The following WASHC4 variants were observed in gnomAD, a reference collection of about 807,000 sequenced individuals.
WASHC4 encodes the protein WASH complex subunit 4, also known as WASH complex subunit 7.
WASHC4 carries 86 observed loss-of-function variants against 166.6 expected under a neutral mutation model. The observed-to-expected ratio is 0.52, with a 90% CI of 0.43 to 0.62. The LOEUF is 0.62. Ranked by LOEUF, WASHC4 falls within the 20% of genes least tolerant of loss-of-function variation. WASHC4 has a pLI of 0.00. For synonymous variants in WASHC4, 446 were observed against 451.6 expected, an observed-to-expected ratio of 0.99 and a Z score of 0.16; for missense variants, 1,262 against 1,382.4, an observed-to-expected ratio of 0.91 and a Z score of 1.38.
At chr12:105,118,084 G>A (rs1209024650) in intron 6 of WASHC4, among the ~76,000 whole-genome samples, 1 of 152,178 alleles carries the variant, frequency 6.6e-6, no homozygotes, top group African/African-American at 2.4e-5. Flanking sequence ...TCATGTAATA[G>A]GGTAGAAATT....
chr12:105,162,927 T>G (rs993406779), intron 30 of WASHC4, 82 bp downstream of exon 30: 1 of 701,420 alleles, frequency 1.4e-6, no homozygotes, highest in South Asian at 1.7e-5. Flanking sequence ...TGAGAATAGG[T>G]CTATATGTTC....
intron 14 of WASHC4, 77 bp downstream of exon 14, chr12:105,133,973 A>G: frequency 7.3e-7 from 1 of 1,360,620 alleles, no homozygotes; most frequent in Admixed American, 1.7e-5. Context: ...AAAACTGAAC[A>G]AAGGGTAGAG....
At chr12:105,138,126 A>T in intron 15 of WASHC4, 115 bp downstream of exon 15, 1 of 999,766 alleles carries the variant, frequency 1.0e-6, no homozygotes. Flanking sequence ...AAATTGTGAG[A>T]AAGTACTTCT....
chr12:105,108,042 G>A (rs1290225844), intron 1 of WASHC4, among the ~76,000 whole-genome samples, 181 bp downstream of exon 1: 1 of 152,198 alleles, frequency 6.6e-6, no homozygotes, highest in Non-Finnish European at 1.5e-5. Flanking sequence ...TGGGGTCCCA[G>A]CCACGGCGGG....
At chr12:105,130,680 A>G (rs1372533512) in intron 13 of WASHC4, among the ~76,000 whole-genome samples, 1 of 147,736 alleles carries the variant, frequency 6.8e-6, no homozygotes, top group African/African-American at 2.5e-5. Flanking sequence ...AGTAGGGAGC[A>G]ATGGAGAGCA....
intron 30 of WASHC4, among the ~76,000 whole-genome samples, chr12:105,163,475 A>T (rs772347332): frequency 6.6e-6 from 1 of 151,730 alleles, no homozygotes; most frequent in African/African-American, 2.4e-5. Context: ...AGCTTCCTCA[A>T]TTGCCATCTT....
chr12:105,149,787 T>C (rs767198312), intron 25 of WASHC4, 38 bp downstream of exon 25: 1 of 1,565,682 alleles, frequency 6.4e-7, no homozygotes, highest in Non-Finnish European at 8.7e-7. Context: ...TTGATTAAGC[T>C]ATTGAGTATA....
intron 4 of WASHC4, 107 bp from the exon 5 acceptor site, chr12:105,115,077 A>C (rs1457655751): frequency 1.6e-6 from 1 of 629,468 alleles, no homozygotes; most frequent in Non-Finnish European, 2.9e-6. Flanking sequence ...TTTGTATGCA[A>C]ATGATGTAGC....
At chr12:105,154,212 G>C (rs1282025303) in intron 26 of WASHC4, among the ~76,000 whole-genome samples, 1 of 151,946 alleles carries the variant, frequency 6.6e-6, no homozygotes, top group Non-Finnish European at 1.5e-5. Flanking sequence ...TGTATTTTTA[G>C]TAGAGATAGG....
At chr12:105,150,942 A>G (rs1216435878) in intron 25 of WASHC4, among the ~76,000 whole-genome samples, 2 of 152,114 alleles carry the variant, frequency 1.3e-5, no homozygotes, top group African/African-American at 2.4e-5. Context: ...AACTGCCCCC[A>G]TGATTCAGTT....
intron 1 of WASHC4, among the ~76,000 whole-genome samples, chr12:105,109,066 G>T (rs1009358032): frequency 2.0e-5 from 3 of 152,168 alleles, no homozygotes; most frequent in Non-Finnish European, 4.4e-5. Flanking sequence ...AACCCGGCAG[G>T]CGGAGGTTGC....
intron 29 of WASHC4, among the ~76,000 whole-genome samples, 154 bp downstream of exon 29, chr12:105,160,302 G>T (rs528085900): frequency 1.3e-5 from 2 of 152,160 alleles, no homozygotes; most frequent in South Asian, 2.1e-4. Context: ...ATGTGACATA[G>T]AATTTTTTAT....
rs1879212838 is a variant in WASHC4 at position 105,107,776 on chromosome 12, T to A, written c.-25T>A. ...CGTCGCCGCACGGGCTGGTTGGGGC[T>A]GTGTCTGTGGGAGGCGCCGGGGTGA... is the stretch of plus-strand genomic sequence containing the variant. On this transcript the variant is annotated 5_prime_UTR_variant, in exon 1 of 33. Transcript: ENST00000332180. 6.5e-7 allele frequency: 1 copy of A among 1,542,186 alleles called. No individual in the cohort carries two copies. The highest frequency in any genetic ancestry group is 8.8e-7 in the Non-Finnish European group (1 of 1,139,004).
chr12:105,112,309 T>TA (rs1372698737), intron 2 of WASHC4, among the ~76,000 whole-genome samples: 4 of 152,230 alleles, frequency 2.6e-5, no homozygotes, highest in Non-Finnish European at 4.4e-5. Flanking sequence ...CATCAGTTGA[T>TA]AGACATTGGA....
At position 105,115,718 on chromosome 12, in the gene WASHC4, C is replaced by T. The variant is rs1330230882; in HGVS notation, c.425C>T (p.Ser142Leu). The T allele has an allele frequency of 3.7e-6, 6 of 1,600,790 alleles. No homozygotes were observed. The change falls in exon 6 of 33, where the codon TCA (serine) becomes TTA (leucine). Residue 142 changes from serine (S) to leucine (L), a missense_variant. Coordinates refer to ENST00000332180, the MANE Select transcript of WASHC4 (RefSeq NM_015275.3). ...DCQIQMGRFI[S>L]FLQELSCFVT... Reference sequence around the variant, plus strand: ...CAAATTCAAATGGGGAGATTTATTTCATTCTTACAGGTAACTGATTTTTAC... The same window carrying T: ...CAAATTCAAATGGGGAGATTTATTTTATTCTTACAGGTAACTGATTTTTAC...
intron 22 of WASHC4, among the ~76,000 whole-genome samples, chr12:105,145,130 A>G (rs1259720936): frequency 2.6e-5 from 4 of 151,668 alleles, no homozygotes; most frequent in Non-Finnish European, 5.9e-5. Flanking sequence ...ATTTATATTT[A>G]TATACAGCTT....
chr12:105,168,549 A>G lies in WASHC4; in HGVS notation c.*1618A>G, dbSNP rs1566036303. On this transcript the variant is annotated 3_prime_UTR_variant, in exon 33 of 33. Transcript: ENST00000332180. ...TCTAACTTCTCTGAAATCATCTCCT[A>G]TTAAGGGATAGAAATTGTTACTAGA... 1 of 152,278 alleles carries G rather than the reference A, an allele frequency of 6.6e-6. No homozygotes were observed. The highest frequency in any genetic ancestry group is 2.1e-4 in the South Asian group (1 of 4,820). The allele number at this position is 152,278 out of a possible 1,614,324, so 9.4% of individuals were successfully genotyped here.
chr12:105,114,752 C>T (rs1880022412), intron 4 of WASHC4, among the ~76,000 whole-genome samples: 1 of 152,012 alleles, frequency 6.6e-6, no homozygotes, highest in Non-Finnish European at 1.5e-5. Flanking sequence ...TTTGTGTTAC[C>T]TGCCATATAT....
Position 105,141,227 on chromosome 12 carries a change from ATT to A in WASHC4, c.1769_1770del (p.Ile590LysfsTer2). The A allele has an allele frequency of 6.2e-7, 1 of 1,609,786 alleles. No homozygotes were observed. Among genetic ancestry groups the A allele is most frequent in the Non-Finnish European group, 8.5e-7 (1 of 1,176,038 alleles). On this transcript the variant is annotated frameshift_variant, in exon 18 of 33. Transcript: ENST00000332180. LOFTEE classifies it high-confidence loss of function. ...AGTAGTCATGAAAAAACTGGATCTT[ATT>A]AGTGAACTTAGAGAACGGTAAGTAG... ...LQVVMKKLDL[I>X]SELRERVQTQ... is the part of the protein sequence containing the mutation.
Sources: allele counts gnomAD v4.1 joint callset (sites outside exome capture counted in the v4.1 genomes callset), GRCh38; gene constraint gnomAD v4.1.1; transcripts MANE v1.5; gene names NCBI Gene and HGNC (gene_info 2026-07-23, HGNC 2026-07-21).